CSF3: variants seen among roughly 807,000 people sequenced by gnomAD.
The protein encoded by CSF3 is granulocyte colony-stimulating factor.
Under a neutral mutation model 20.2 loss-of-function variants are expected in CSF3, and 17 were observed. The observed-to-expected ratio is 0.84, with a 90% CI of 0.58 to 1.26. The LOEUF (loss-of-function observed/expected upper bound fraction) is 1.26, where lower values mean the gene tolerates loss of function less well. Ranked by LOEUF, CSF3 falls within the 50% of genes most tolerant of loss-of-function variation. CSF3 has a pLI of 0.00. For missense variants in CSF3, 210 were observed against 256.0 expected (o/e 0.82, Z 1.23); for synonymous variants, 125 against 115.3 (o/e 1.08, Z -0.54).
chr17:40,016,725 C>T, intron 4 of CSF3, 70 bp from the exon 5 acceptor site: 1 of 1,612,306 alleles, frequency 6.2e-7, no homozygotes, highest in Non-Finnish European at 8.5e-7. Context: ...CTGTCACCCC[C>T]AGCATTTCCT....
rs771699925 is a variant in CSF3, at chr17:40,015,743, C to A, written c.93C>A (p.Thr31=). ...CACTCTGGACAGTGCAGGAAGCCAC[C>A]CCCCTGGGCCCTGCCAGCTCCCTGC... is the stretch of plus-strand genomic sequence containing the variant. ...HSALWTVQEA[T]PLGPASSLPQ... Residue 31 remains threonine (T), a synonymous_variant, in exon 2 of 5, where the codon ACC becomes ACA. Transcript: ENST00000394149. 126 of 1,598,712 alleles carry A rather than the reference C, an allele frequency of 7.9e-5. No homozygotes were observed. Among genetic ancestry groups the A allele is most frequent in the Non-Finnish European group, 2.6e-5 (30 of 1,172,264 alleles).
At chr17:40,016,663 G>A (rs370045874) in intron 4 of CSF3, 32 bp downstream of exon 4, 28 of 1,613,272 alleles carry the variant, frequency 1.7e-5, no homozygotes, top group South Asian at 2.2e-5. Flanking sequence ...GGCCAAGGTC[G>A]TGCTGGCATT....
In CSF3 at chr17:40,016,219, C is replaced by T. The variant is rs759645435; in HGVS notation, c.196-14C>T. On this transcript the variant is annotated splice_polypyrimidine_tract_variant and intron_variant, in intron 2 of 4. Transcript: ENST00000394149. ...GGCCATGGCGAGTCTCACTCAGCAT[C>T]CTTCCATCCCCAGTGTGCCACCTAC... The T allele has an allele frequency of 9.2e-6, 14 of 1,528,394 alleles. No homozygotes were observed. Among genetic ancestry groups the T allele is most frequent in the South Asian group, 1.2e-5 (1 of 82,426 alleles). The allele number at this position is 1,528,394 out of a possible 1,614,324, so 94.7% of individuals were successfully genotyped here.
At position 40,016,351 on chromosome 17, in the gene CSF3, G is replaced by A. The variant is rs1981386477; in HGVS notation, c.303+11G>A. On this transcript the variant is annotated intron_variant, in intron 3 of 4. Coordinates refer to ENST00000394149, the MANE Select transcript of CSF3 (RefSeq NM_172219.3). ...CAGGCCCTGCAGCTGGTGAGTGTCAGGAAAGGATAAGGCTAATGAGGAGGG... is the reference window on the plus strand; with the variant it reads ...CAGGCCCTGCAGCTGGTGAGTGTCAAGAAAGGATAAGGCTAATGAGGAGGG... 1.2e-6 allele frequency: 2 copies of A among 1,611,988 alleles called. 1 individual carries two copies. The highest frequency in any genetic ancestry group is 2.2e-5 in the South Asian group (2 of 90,890).
rs1170676298 is a variant in CSF3 at position 40,016,315 on chromosome 17, G to A, written c.278G>A (p.Ser93Asn). 6.2e-7 allele frequency: 1 copy of A among 1,611,146 alleles called. No homozygotes were observed. The change falls in exon 3 of 5, where the codon AGC (serine) becomes AAC (asparagine). Residue 93 changes from serine to asparagine, a missense_variant. Coordinates refer to ENST00000394149, the MANE Select transcript of CSF3 (RefSeq NM_172219.3). ...GGCATCCCCTGGGCTCCCCTGAGCA[G>A]CTGCCCCAGCCAGGCCCTGCAGCTG... ...SLGIPWAPLS[S>N]CPSQALQLAG...
chr17:40,017,077 C>A lies in CSF3; in HGVS notation c.*118C>A, dbSNP rs1319113843. On this transcript the variant is annotated 3_prime_UTR_variant, in exon 5 of 5. Transcript: ENST00000394149. ...CCCCAGGCCTCTGTGTCCTTCCCTG[C>A]ATTTCTGAGTTTCATTCTCCTGCCT... The A allele has an allele frequency of 2.9e-5, 29 of 994,812 alleles. No individual in the cohort carries two copies. Among genetic ancestry groups the A allele is most frequent in the Non-Finnish European group, 3.8e-5 (27 of 711,366 alleles). The allele number at this position is 994,812 out of a possible 1,614,324, so 61.6% of individuals were successfully genotyped here.
rs1981408734 is a variant in CSF3 at position 40,016,623 on chromosome 17, T to C, written c.442T>C (p.Trp148Arg). 1 of 1,613,988 alleles carries C rather than the reference T, an allele frequency of 6.2e-7. No individual in the cohort carries two copies. The highest frequency in any genetic ancestry group is 1.1e-5 in the South Asian group (1 of 91,082). ...CGTCGCCGACTTTGCCACCACCATC[T>C]GGCAGCAGGTGAGCCTTGTTGGGCA... Reference protein sequence around the residue: ...LDVADFATTIWQQMEELGMAP... With the variant: ...LDVADFATTIRQQMEELGMAP... Residue 148 changes from tryptophan to arginine, a missense_variant, in exon 4 of 5, where the codon TGG becomes CGG. Physicochemically the swap from Trp to Arg is moderately radical, Grantham distance 101 (BLOSUM62 -3). Transcript: ENST00000394149.
chr17:40,017,034 G>T lies in CSF3; in HGVS notation c.*75G>T. ...TATTTAAGCCTCATATTTAAAGACA[G>T]GGAAGAGCAGAACGGAGCCCCAGGC... On this transcript the variant is annotated 3_prime_UTR_variant, in exon 5 of 5. Coordinates refer to ENST00000394149, the MANE Select transcript of CSF3 (RefSeq NM_172219.3). The T allele has an allele frequency of 7.2e-7, 1 of 1,392,880 alleles. No individual in the cohort carries two copies. 86.3% of individuals were successfully genotyped at this position (1,392,880 alleles called of 1,614,324 possible). A position where few individuals can be genotyped will look rare whatever the true frequency, so the allele number is the denominator to read the frequency against.
rs762262454 is a variant in CSF3, at chr17:40,016,549, A to T, written c.368A>T (p.Glu123Val). 10 of 1,614,010 alleles carry T rather than the reference A, an allele frequency of 6.2e-6. 1 individual carries two copies. The African/African-American group carries it at 1.3e-4, about 22-fold the overall frequency. ...TACCAGGGGCTCCTGCAGGCCCTGG[A>T]AGGGATCTCCCCCGAGTTGGGTCCC... ...FLYQGLLQALEGISPELGPTL... is the reference protein window; with the variant it reads ...FLYQGLLQALVGISPELGPTL... The change falls in exon 4 of 5, where the codon GAA becomes GTA. Residue 123 changes from glutamate to valine, a missense_variant. Physicochemically the swap from Glu to Val is moderately radical, Grantham distance 121. Coordinates refer to ENST00000394149, the MANE Select transcript of CSF3 (RefSeq NM_172219.3).
chr17:40,015,483 AC>A lies in CSF3; in HGVS notation c.11del (p.Pro4LeufsTer7). MAG[P>X]ATQSPMKLMA... is the part of the protein sequence containing the mutation. ...CAGCCCCACCCAGACCCATGGCTGG[AC>A]CTGCCACCCAGAGCCCCATGAAGCT... On this transcript the variant is annotated frameshift_variant, in exon 1 of 5. Coordinates refer to ENST00000394149, the MANE Select transcript of CSF3 (RefSeq NM_172219.3). LOFTEE classifies it high-confidence loss of function. The A allele has an allele frequency of 6.4e-7, 1 of 1,551,384 alleles. No individual in the cohort carries two copies. Among genetic ancestry groups the A allele is most frequent in the Non-Finnish European group, 8.7e-7 (1 of 1,146,942 alleles).
Position 40,015,965 on chromosome 17 carries a change from C to A in CSF3, c.195+120C>A, listed in dbSNP as rs559167467. ...TGGGAGAATATTAGGAGCAGTGGAG[C>A]TGGGGAAGGCTGGGAAGGGACTTGG... On this transcript the variant is annotated intron_variant, in intron 2 of 4. Transcript: ENST00000394149. 151 of 1,387,538 alleles carry A rather than the reference C, an allele frequency of 1.1e-4. 3 individuals carry two copies. In the South Asian group the frequency reaches 2.1e-3, roughly 19 times the overall value. The allele number at this position is 1,387,538 out of a possible 1,614,324, so 86.0% of individuals were successfully genotyped here.
chr17:40,016,070 C>A, intron 2 of CSF3, 163 bp from the exon 3 acceptor site: 1 of 828,962 alleles, frequency 1.2e-6, no homozygotes, highest in Non-Finnish European at 1.8e-6. Flanking sequence ...GGAGAAAGGG[C>A]AAGGGCCCCT....
intron 2 of CSF3, 97 bp from the exon 3 acceptor site, chr17:40,016,136 C>T: frequency 1.0e-6 from 1 of 991,720 alleles, no homozygotes; most frequent in Non-Finnish European, 1.5e-6. Flanking sequence ...CCTGGCAGGA[C>T]ATGGAGGGAG....
intron 1 of CSF3, 76 bp downstream of exon 1, chr17:40,015,590 G>A (rs1364933514): frequency 3.9e-6 from 6 of 1,547,872 alleles, no homozygotes; most frequent in East Asian, 2.4e-5. Context: ...GAGGGGCTGG[G>A]GATCCCCGTT....
At chr17:40,015,964 G>C (rs1399396297) in intron 2 of CSF3, 119 bp downstream of exon 2, 2 of 1,389,990 alleles carry the variant, frequency 1.4e-6, no homozygotes, top group African/African-American at 2.9e-5. Flanking sequence ...GAGCAGTGGA[G>C]CTGGGGAAGG....
chr17:40,015,561 G>C, intron 1 of CSF3, 47 bp downstream of exon 1: 1 of 1,550,208 alleles, frequency 6.5e-7, no homozygotes, highest in South Asian at 1.2e-5. Context: ...CCTGGCATGG[G>C]AGGGAGGCTG....
At chr17:40,016,706 C>T in intron 4 of CSF3, 75 bp downstream of exon 4, 1 of 1,546,920 alleles carries the variant, frequency 6.5e-7, no homozygotes, top group Non-Finnish European at 8.7e-7. Flanking sequence ...TGTATGGGCC[C>T]TGTCCATGCT....
intron 2 of CSF3, 41 bp downstream of exon 2, chr17:40,015,886 T>C (rs1238006820): frequency 6.3e-7 from 1 of 1,575,914 alleles, no homozygotes; most frequent in Non-Finnish European, 8.6e-7. Flanking sequence ...GGAAGCCCGG[T>C]GGGGAGAGCT....
chr17:40,016,676 G>T, intron 4 of CSF3, 45 bp downstream of exon 4: 3 of 1,612,888 alleles, frequency 1.9e-6, no homozygotes, highest in Non-Finnish European at 2.5e-6. Context: ...CTGGCATTCT[G>T]GGCACCACAG....
Sources: gnomAD v4.1 joint callset for allele counts on GRCh38, gnomAD v4.1.1 for gene constraint, MANE v1.5 for transcripts, NCBI Gene and HGNC (gene_info 2026-07-23, HGNC 2026-07-21) for gene names.